The following CEP350 variants were observed in gnomAD, a reference collection of about 807,000 sequenced individuals.
The protein encoded by CEP350 is centrosome-associated protein 350.
A neutral mutation model predicts 331.8 loss-of-function variants in CEP350; 126 were observed. That is an observed-to-expected ratio of 0.38 (90% confidence interval 0.33 to 0.44). The LOEUF (loss-of-function observed/expected upper bound fraction) is 0.44. Among genes scored for constraint, CEP350 ranks in the 20% least tolerant of loss-of-function variants. The pLI, the probability that CEP350 is intolerant of heterozygous loss-of-function variation, is 1.00. For missense variants in CEP350, 3,406 were observed against 3,634.6 expected, an observed-to-expected ratio of 0.94 and a Z score of 1.62; for synonymous variants, 1,200 against 1,259.5, an observed-to-expected ratio of 0.95 and a Z score of 1.00.
chr1:180,051,236 C>G (rs140620038), intron 22 of CEP350, among the ~76,000 whole-genome samples: 1 of 152,160 alleles, frequency 6.6e-6, no homozygotes, highest in Admixed American at 6.5e-5. Context: ...GCAACATGAA[C>G]GAATTTTACA....
chr1:180,041,432 A>G (rs368382073), intron 18 of CEP350, among the ~76,000 whole-genome samples, 184 bp downstream of exon 18: 1 of 152,340 alleles, frequency 6.6e-6, no homozygotes, highest in South Asian at 2.1e-4. Flanking sequence ...ATAAATTGTC[A>G]AGACTCATTT....
intron 10 of CEP350, among the ~76,000 whole-genome samples, chr1:180,015,383 C>T (rs566263115): frequency 1.5e-4 from 23 of 152,146 alleles, no homozygotes; most frequent in Non-Finnish European, 2.4e-4. Context: ...TACAGGCGCC[C>T]GCTACCTCGC....
chr1:180,023,056 A>G (rs1452110801), intron 13 of CEP350, among the ~76,000 whole-genome samples: 1 of 152,094 alleles, frequency 6.6e-6, no homozygotes, highest in Non-Finnish European at 1.5e-5. Flanking sequence ...GTTTGTATTT[A>G]TACATATTAC....
chr1:180,107,232 A>G (rs995820204), intron 37 of CEP350, among the ~76,000 whole-genome samples: 1 of 152,194 alleles, frequency 6.6e-6, no homozygotes, highest in Non-Finnish European at 1.5e-5. Flanking sequence ...CTCACAGCCT[A>G]GTGGGAAAAC....
intron 29 of CEP350, 82 bp from the exon 30 acceptor site, chr1:180,080,435 A>G: frequency 8.4e-7 from 1 of 1,192,944 alleles, no homozygotes; most frequent in Non-Finnish European, 1.2e-6. Flanking sequence ...TGTTATCTTT[A>G]TATGGCTAGT....
intron 34 of CEP350, 48 bp downstream of exon 34, chr1:180,094,664 T>C (rs759931260): frequency 2.6e-6 from 4 of 1,556,376 alleles, no homozygotes; most frequent in Non-Finnish European, 3.5e-6. Flanking sequence ...TTGACACTTT[T>C]AACAAGGCAA....
chr1:180,071,671 T>C (rs1427952669), intron 27 of CEP350, among the ~76,000 whole-genome samples: 1 of 151,858 alleles, frequency 6.6e-6, no homozygotes, highest in Non-Finnish European at 1.5e-5. Context: ...TAACCCCAGC[T>C]ACTTCAGAGA....
intron 17 of CEP350, among the ~76,000 whole-genome samples, chr1:180,038,401 A>G (rs1038859464): frequency 3.3e-5 from 5 of 152,332 alleles, no homozygotes; most frequent in East Asian, 3.9e-4. Context: ...TTTTTCTTGT[A>G]TAAGTACCTA....
chr1:180,008,016 T>C (rs1291370845), intron 8 of CEP350, among the ~76,000 whole-genome samples: 2 of 152,104 alleles, frequency 1.3e-5, no homozygotes, highest in Non-Finnish European at 2.9e-5. Context: ...TTCTCTCCAA[T>C]TTTTTTCTGT....
chr1:180,028,802 CA>C lies in CEP350; in HGVS notation c.3551-2509del, dbSNP rs60225098. Among the ~76,000 whole-genome samples, 414 of 148,002 alleles carry C rather than the reference CA, an allele frequency of 2.8e-3. 2 individuals are homozygous for C. Among genetic ancestry groups the C allele is most frequent in the African/African-American group, 9.8e-3 (394 of 40,256 alleles). On this transcript the variant is annotated intron_variant, in intron 14 of 37. Coordinates refer to ENST00000367607, the MANE Select transcript of CEP350 (RefSeq NM_014810.5). Reference sequence around the variant, plus strand: ...CTGGGCAACAGAGCTAGACCTGTCTCAAAAAAAAAGAAAAAATCATGATTTA... The same window carrying C: ...CTGGGCAACAGAGCTAGACCTGTCTCAAAAAAAAGAAAAAATCATGATTTA...
chr1:180,009,208 C>T (rs1000180955), intron 8 of CEP350, among the ~76,000 whole-genome samples: 4 of 152,174 alleles, frequency 2.6e-5, no homozygotes, highest in Admixed American at 2.6e-4. Context: ...TGGGGTTTTG[C>T]CATGTTGGCC....
chr1:180,004,569 T>G (rs1654081452), intron 7 of CEP350, among the ~76,000 whole-genome samples: 1 of 152,234 alleles, frequency 6.6e-6, no homozygotes. Flanking sequence ...AAAAGTTGCC[T>G]TATGCTCATT....
chr1:179,961,817 G>A (rs1465454662), intron 1 of CEP350, among the ~76,000 whole-genome samples: 3 of 152,192 alleles, frequency 2.0e-5, no homozygotes, highest in African/African-American at 7.2e-5. Flanking sequence ...GTACCCAGTA[G>A]GTTGTTTTTC....
At chr1:180,077,245 TA>T (rs2149070727) in intron 28 of CEP350, among the ~76,000 whole-genome samples, 1 of 152,068 alleles carries the variant, frequency 6.6e-6, no homozygotes, top group African/African-American at 2.4e-5. Context: ...ATTAGAAAAA[TA>T]TATTTTTTAA....
chr1:180,033,228 C>T (rs1400600195), intron 15 of CEP350, among the ~76,000 whole-genome samples: 2 of 151,970 alleles, frequency 1.3e-5, no homozygotes, highest in East Asian at 1.9e-4. Context: ...AGGCTAGAAA[C>T]GTGCCTTGTA....
In CEP350 at chr1:180,066,602, A is replaced by G. The variant is rs576229518; in HGVS notation, c.5567+1330A>G. Among the ~76,000 whole-genome samples the G allele has an allele frequency of 3.3e-5, 5 of 152,340 alleles. No homozygotes were observed. In the South Asian group the frequency reaches 1.0e-3, roughly 32 times the overall value. The stretch of plus-strand genomic sequence containing the variant: ...AAAAATACCTAAATTGATTATGAAA[A>G]TAAGTCTTGAAAATACAGTTTTTAA... On this transcript the variant is annotated intron_variant, in intron 27 of 37. Coordinates refer to ENST00000367607, the MANE Select transcript of CEP350 (RefSeq NM_014810.5).
intron 1 of CEP350, among the ~76,000 whole-genome samples, chr1:179,962,606 C>G (rs1182796565): frequency 6.6e-6 from 1 of 152,064 alleles, no homozygotes; most frequent in Non-Finnish European, 1.5e-5. Flanking sequence ...GATGGAGTTT[C>G]ACTATGTTGG....
chr1:180,086,944 C>CA (rs1229523818), intron 31 of CEP350, among the ~76,000 whole-genome samples: 1 of 152,106 alleles, frequency 6.6e-6, no homozygotes, highest in Non-Finnish European at 1.5e-5. Context: ...TTGAACAAAA[C>CA]ACTAGTCTGA....
intron 27 of CEP350, 92 bp from the exon 28 acceptor site, chr1:180,074,930 C>A: frequency 1.8e-6 from 2 of 1,097,260 alleles, no homozygotes; most frequent in Non-Finnish European, 2.6e-6. Context: ...TTTTGCACAG[C>A]TTGTTGATAA....
Sources: gnomAD v4.1 joint callset for allele counts (sites outside exome capture counted in the v4.1 genomes callset) on GRCh38, gnomAD v4.1.1 for gene constraint, MANE v1.5 for transcripts, NCBI Gene and HGNC (gene_info 2026-07-23, HGNC 2026-07-21) for gene names.